Variants in TXNDC11 observed in about 807,000 individuals in gnomAD.
TXNDC11 encodes thioredoxin domain-containing protein 11.
TXNDC11 carries 68 observed loss-of-function variants against 78.0 expected under a neutral mutation model. The ratio of observed to expected loss-of-function variants is 0.87; its 90% CI spans 0.72 to 1.07. The LOEUF is 1.07. Ranked by LOEUF, TXNDC11 falls within the 50% of genes least tolerant of loss-of-function variation. The probability of loss-of-function intolerance (pLI) is 0.00; values close to 1 mark genes in which losing one functional copy is unlikely to be tolerated. For missense variants in TXNDC11, 1,389 were observed against 1,221.8 expected (o/e 1.14, Z -2.04); for synonymous variants, 571 against 495.2 (o/e 1.15, Z -2.03).
intron 5 of TXNDC11, 93 bp from the exon 6 acceptor site, chr16:11,700,657 G>A (rs1290740632): frequency 3.2e-6 from 2 of 622,272 alleles, no homozygotes; most frequent in Non-Finnish European, 5.8e-6. Flanking sequence ...ACAAACCCCT[G>A]CAGCTAAGCT....
At chr16:11,686,790 A>G (rs1003950984) in intron 10 of TXNDC11, among the ~76,000 whole-genome samples, 4 of 152,242 alleles carry the variant, frequency 2.6e-5, no homozygotes, top group Non-Finnish European at 5.9e-5. Context: ...GCCATCTTCT[A>G]AACCATTTTA....
At chr16:11,702,058 GTGTGTGTA>G (rs1374836688) in intron 5 of TXNDC11, among the ~76,000 whole-genome samples, 2 of 146,070 alleles carry the variant, frequency 1.4e-5, no homozygotes, top group African/African-American at 5.3e-5. Context: ...TAAAAGTTAT[GTGTGTGTA>G]TGTGTGTGTG....
intron 10 of TXNDC11, among the ~76,000 whole-genome samples, chr16:11,687,038 C>G (rs565171669): frequency 7.2e-5 from 11 of 152,312 alleles, no homozygotes; most frequent in African/African-American, 2.6e-4. Context: ...CTAATTATTA[C>G]TTACAGTGCA....
chr16:11,679,413 G>C lies in TXNDC11; in HGVS notation c.2659C>G (p.Leu887Val). ...LQELADASEN[L>V]LTENTWLKIL... ...TTGAGCCACGTGTTCTCGGTAAGGA[G>C]GTTTTCTGAGGCATCGGCCAGCTCC... The change falls in exon 12 of 12, where the codon CTC (leucine) becomes GTC (valine). Residue 887 changes from leucine (L) to valine (V), a missense_variant. Physicochemically the swap from Leu to Val is conservative, Grantham distance 32. Coordinates refer to ENST00000283033, the MANE Select transcript of TXNDC11 (RefSeq NM_015914.7). The surrounding 1 kb of genome is among the most constrained non-coding windows in gnomAD (Gnocchi z 4.6). 1 of 1,613,472 alleles carries C rather than the reference G, an allele frequency of 6.2e-7. No homozygotes were observed. Among genetic ancestry groups the C allele is most frequent in the Non-Finnish European group, 8.5e-7 (1 of 1,179,840 alleles).
intron 3 of TXNDC11, among the ~76,000 whole-genome samples, chr16:11,732,036 A>G (rs1011425460): frequency 3.9e-5 from 6 of 152,222 alleles, no homozygotes; most frequent in African/African-American, 1.4e-4. Flanking sequence ...TCCTGTTGTG[A>G]TGTTACAAGG....
At chr16:11,685,024 A>C (rs902666545) in intron 10 of TXNDC11, among the ~76,000 whole-genome samples, 2 of 152,250 alleles carry the variant, frequency 1.3e-5, no homozygotes, top group Admixed American at 6.5e-5. Context: ...AGGGTGCGGT[A>C]AGTGTCATGT....
intron 1 of TXNDC11, 182 bp downstream of exon 1, chr16:11,742,295 G>C (rs1305194416): frequency 2.1e-6 from 1 of 477,190 alleles, no homozygotes; most frequent in African/African-American, 2.0e-5. Context: ...AATGTCCGCG[G>C]GCGGGCCGGG....
At chr16:11,701,477 C>G (rs1483462760) in intron 5 of TXNDC11, among the ~76,000 whole-genome samples, 2 of 152,082 alleles carry the variant, frequency 1.3e-5, no homozygotes, top group Non-Finnish European at 2.9e-5. Flanking sequence ...AAATTAGAGA[C>G]TTTGTTTCAT....
chr16:11,711,475 G>A (rs2051356448), intron 5 of TXNDC11, among the ~76,000 whole-genome samples: 1 of 152,126 alleles, frequency 6.6e-6, no homozygotes, highest in Admixed American at 6.6e-5. Flanking sequence ...AGCTCCAAAG[G>A]TTACCCACAT....
At chr16:11,727,430 A>G (rs955126673) in intron 4 of TXNDC11, among the ~76,000 whole-genome samples, 1 of 152,236 alleles carries the variant, frequency 6.6e-6, no homozygotes, top group Non-Finnish European at 1.5e-5. Flanking sequence ...CACACTTGAT[A>G]CTGAAATCCA....
chr16:11,687,592 C>T (rs2050599248), intron 10 of TXNDC11, among the ~76,000 whole-genome samples: 3 of 152,226 alleles, frequency 2.0e-5, no homozygotes, highest in Non-Finnish European at 1.5e-5. Flanking sequence ...CAGGTCAGTG[C>T]TCTCCCCACA....
intron 7 of TXNDC11, among the ~76,000 whole-genome samples, chr16:11,697,701 C>G (rs2141025146): frequency 6.6e-6 from 1 of 152,320 alleles, no homozygotes; most frequent in South Asian, 2.1e-4. Flanking sequence ...TGAGGATGGC[C>G]AGGGCTGGCA....
At position 11,691,941 on chromosome 16, in the gene TXNDC11, T is replaced by C. The variant is rs1272956564; in HGVS notation, c.1249A>G (p.Thr417Ala). 9 of 1,611,934 alleles carry C rather than the reference T, an allele frequency of 5.6e-6. No homozygotes were observed. Among genetic ancestry groups the C allele is most frequent in the African/African-American group, 1.3e-5 (1 of 74,902 alleles). The change falls in exon 8 of 12, where the codon ACG becomes GCG. Residue 417 changes from threonine to alanine, a missense_variant. By Grantham distance (58) the Thr-to-Ala change is moderately conservative. Coordinates refer to ENST00000283033, the MANE Select transcript of TXNDC11 (RefSeq NM_015914.7). Reference sequence around the variant, plus strand: ...TTGCAGCAGGGGGACGCTGTGATCGTTGGCGGGTCTGGCAGCTGTGCCGGC... The same window carrying C: ...TTGCAGCAGGGGGACGCTGTGATCGCTGGCGGGTCTGGCAGCTGTGCCGGC... ...EVPAQLPDPPTITASPCCNTV... is the reference protein window; with the variant it reads ...EVPAQLPDPPAITASPCCNTV...
intron 11 of TXNDC11, among the ~76,000 whole-genome samples, chr16:11,683,666 T>C (rs568575620): frequency 2.0e-5 from 3 of 151,786 alleles, no homozygotes; most frequent in Admixed American, 6.6e-5. Flanking sequence ...GGGTAAGAGA[T>C]AGACTGGGAA....
At chr16:11,735,807 C>G (rs2052202022) in intron 2 of TXNDC11, among the ~76,000 whole-genome samples, 1 of 152,210 alleles carries the variant, frequency 6.6e-6, no homozygotes, top group East Asian at 1.9e-4. Flanking sequence ...TTATGAGATT[C>G]AGAATCTGCT....
intron 4 of TXNDC11, among the ~76,000 whole-genome samples, chr16:11,729,060 A>G (rs2051967650): frequency 6.6e-6 from 1 of 151,856 alleles, no homozygotes; most frequent in Non-Finnish European, 1.5e-5. Flanking sequence ...GGTCTGTCTG[A>G]CTCCTGATTC....
chr16:11,722,544 G>C (rs1435006880), intron 4 of TXNDC11, among the ~76,000 whole-genome samples: 1 of 151,958 alleles, frequency 6.6e-6, no homozygotes, highest in Non-Finnish European at 1.5e-5. Context: ...GGAGTCAGAA[G>C]ACCTAAGCTC....
chr16:11,735,253 T>G (rs1597498506), intron 2 of TXNDC11, among the ~76,000 whole-genome samples: 1 of 152,202 alleles, frequency 6.6e-6, no homozygotes, highest in African/African-American at 2.4e-5. Context: ...ATCACCTTTA[T>G]CAGTCTACGT....
intron 7 of TXNDC11, among the ~76,000 whole-genome samples, chr16:11,694,030 T>C (rs1423817028): frequency 6.6e-6 from 1 of 151,448 alleles, no homozygotes; most frequent in Non-Finnish European, 1.5e-5. Context: ...AGCTTCAGTA[T>C]CTCATAAACA....
Sources: allele counts gnomAD v4.1 joint callset (sites outside exome capture counted in the v4.1 genomes callset), GRCh38; gene constraint gnomAD v4.1.1; non-coding constraint Gnocchi (gnomAD v3.1); transcripts MANE v1.5; gene names NCBI Gene and HGNC (gene_info 2026-07-23, HGNC 2026-07-21).